The following CDH4 variants were observed in gnomAD, a reference collection of about 807,000 sequenced individuals.
CDH4 encodes cadherin-4.
CDH4 carries 33 observed loss-of-function variants against 86.0 expected under a neutral mutation model. That is an observed-to-expected ratio of 0.38 (90% CI 0.29 to 0.51). The LOEUF (loss-of-function observed/expected upper bound fraction) is 0.51. CDH4 is among the 20% of genes least tolerant of loss of function. CDH4 has a pLI of 0.86. For synonymous variants in CDH4, 555 were observed against 549.4 expected (o/e 1.01, Z -0.14); for missense variants, 1,114 against 1,307.4 (o/e 0.85, Z 2.28).
intron 5 of CDH4, among the ~76,000 whole-genome samples, chr20:61,849,847 G>A (rs1156742566): frequency 2.0e-5 from 3 of 152,176 alleles, no homozygotes; most frequent in Non-Finnish European, 4.4e-5. Flanking sequence ...CTGTCTTAAG[G>A]TCAAAAACGT....
intron 2 of CDH4, among the ~76,000 whole-genome samples, chr20:61,734,943 C>T (rs2088242710): frequency 6.6e-6 from 1 of 152,082 alleles, no homozygotes; most frequent in South Asian, 2.1e-4. Flanking sequence ...CCGAGAATCT[C>T]CCTGCGCTGG....
intron 5 of CDH4, among the ~76,000 whole-genome samples, chr20:61,851,967 A>G (rs1982744501): frequency 6.6e-6 from 1 of 152,208 alleles, no homozygotes; most frequent in Non-Finnish European, 1.5e-5. Context: ...TGCAGAACAA[A>G]TGAATGAGTG....
intron 3 of CDH4, among the ~76,000 whole-genome samples, chr20:61,757,269 C>CG (rs1400638466): frequency 1.3e-5 from 2 of 151,892 alleles, no homozygotes; most frequent in Non-Finnish European, 2.9e-5. Context: ...GCTCGAGTTT[C>CG]GGGGGTGGTG....
intron 4 of CDH4, among the ~76,000 whole-genome samples, chr20:61,838,756 G>A (rs1264857214): frequency 1.3e-5 from 2 of 150,674 alleles, no homozygotes; most frequent in Non-Finnish European, 2.9e-5. Flanking sequence ...CCCAGGAAGT[G>A]GAGGTTGCAG....
intron 2 of CDH4, among the ~76,000 whole-genome samples, chr20:61,309,710 G>C (rs1233678280): frequency 6.6e-6 from 1 of 152,214 alleles, no homozygotes; most frequent in Non-Finnish European, 1.5e-5. Flanking sequence ...GATTTGAACA[G>C]TATAAAGACT....
intron 7 of CDH4, among the ~76,000 whole-genome samples, chr20:61,884,643 G>A (rs559471594): frequency 3.4e-4 from 52 of 152,230 alleles, no homozygotes; most frequent in South Asian, 1.2e-3. Flanking sequence ...GGAGCCCTCC[G>A]CACCCCCGGA....
At chr20:61,522,588 G>A (rs1284818162) in intron 2 of CDH4, among the ~76,000 whole-genome samples, 1 of 152,202 alleles carries the variant, frequency 6.6e-6, no homozygotes, top group East Asian at 1.9e-4. Flanking sequence ...TTAGTAAAAG[G>A]TAATTTGTTT....
chr20:61,322,446 T>C (rs1256131712), intron 2 of CDH4, among the ~76,000 whole-genome samples: 1 of 152,184 alleles, frequency 6.6e-6, no homozygotes, highest in Non-Finnish European at 1.5e-5. Context: ...TCCCCTTTCC[T>C]TCCCAGACTG....
chr20:61,635,601 C>T (rs1343441768), intron 2 of CDH4, among the ~76,000 whole-genome samples: 2 of 152,176 alleles, frequency 1.3e-5, no homozygotes, highest in Admixed American at 1.3e-4. Context: ...GAACGAGGGG[C>T]GGGCAGGGGC....
At chr20:61,490,496 C>T (rs775541262) in intron 2 of CDH4, among the ~76,000 whole-genome samples, 2 of 152,038 alleles carry the variant, frequency 1.3e-5, no homozygotes, top group African/African-American at 4.8e-5. Context: ...GTCAGGGGTT[C>T]GAGACCAGCC....
At chr20:61,731,611 G>A (rs990429725) in intron 2 of CDH4, among the ~76,000 whole-genome samples, 9 of 152,180 alleles carry the variant, frequency 5.9e-5, no homozygotes, top group African/African-American at 1.2e-4. Flanking sequence ...TTGTAGAATC[G>A]GAAAAGCGCC....
At chr20:61,522,540 G>A (rs552610939) in intron 2 of CDH4, among the ~76,000 whole-genome samples, 2 of 152,222 alleles carry the variant, frequency 1.3e-5, no homozygotes, top group Non-Finnish European at 2.9e-5. Flanking sequence ...AATCTGCCAC[G>A]TACACAGAGA....
At chr20:61,298,642 T>A (rs1304772690) in intron 2 of CDH4, among the ~76,000 whole-genome samples, 1 of 149,376 alleles carries the variant, frequency 6.7e-6, no homozygotes, top group Non-Finnish European at 1.5e-5. Context: ...TGAGACACAC[T>A]CTGAGACTTC....
chr20:61,421,159 G>C (rs189512498), intron 2 of CDH4, among the ~76,000 whole-genome samples: 2 of 152,300 alleles, frequency 1.3e-5, no homozygotes, highest in African/African-American at 4.8e-5. Context: ...GGCTGGGAGG[G>C]GACACAAGGT....
chr20:61,832,018 GC>G (rs34327885), intron 4 of CDH4, among the ~76,000 whole-genome samples: 66,806 of 152,130 alleles, frequency 0.44, 16,725 homozygotes, highest in Non-Finnish European at 0.58. Context: ...AGACCACCTT[GC>G]CCACTCATCC....
At chr20:61,615,696 T>C (rs1452994172) in intron 2 of CDH4, among the ~76,000 whole-genome samples, 1 of 152,170 alleles carries the variant, frequency 6.6e-6, no homozygotes, top group Non-Finnish European at 1.5e-5. Context: ...CAAGAGACAT[T>C]GTCATTATCA....
intron 2 of CDH4, among the ~76,000 whole-genome samples, chr20:61,520,626 G>T (rs73150284): frequency 0.084 from 12,802 of 152,232 alleles, 630 homozygotes; most frequent in Non-Finnish European, 0.12. Context: ...GGCATTTGGC[G>T]CATAGTTTCC....
At chr20:61,831,231 T>G (rs372123495) in intron 4 of CDH4, among the ~76,000 whole-genome samples, 2 of 152,162 alleles carry the variant, frequency 1.3e-5, no homozygotes, top group East Asian at 1.9e-4. Flanking sequence ...GCCCTGCACT[T>G]GAGGATAAAT....
chr20:61,694,651 G>A (rs559899992), intron 2 of CDH4, among the ~76,000 whole-genome samples: 2 of 152,290 alleles, frequency 1.3e-5, no homozygotes, highest in East Asian at 3.9e-4. Flanking sequence ...CCTAAAAACA[G>A]GCACCTCCAG....
Sources: gnomAD v4.1 joint callset for allele counts (sites outside exome capture counted in the v4.1 genomes callset) on GRCh38, gnomAD v4.1.1 for gene constraint, MANE v1.5 for transcripts, NCBI Gene and HGNC (gene_info 2026-07-23, HGNC 2026-07-21) for gene names.